TRMT61B: variants seen among roughly 807,000 people sequenced by gnomAD.
TRMT61B encodes the protein tRNA methyltransferase 61B, also known as tRNA (adenine(58)-N(1))-methyltransferase, mitochondrial.
TRMT61B carries 56 observed loss-of-function variants against 52.0 expected under a neutral mutation model. That is an observed-to-expected ratio of 1.08 (90% confidence interval 0.87 to 1.35). The LOEUF (loss-of-function observed/expected upper bound fraction) is 1.35, where lower values mean the gene tolerates loss of function less well. Ranked by LOEUF, TRMT61B falls within the 40% of genes most tolerant of loss-of-function variation. The pLI is 0.00. For synonymous variants in TRMT61B, 206 were observed against 220.0 expected (o/e 0.94, Z 0.56); for missense variants, 650 against 577.9 (o/e 1.12, Z -1.28).
chr2:28,863,803 T>G (rs1194970148), intron 2 of TRMT61B, among the ~76,000 whole-genome samples: 1 of 152,160 alleles, frequency 6.6e-6, no homozygotes, highest in African/African-American at 2.4e-5. Flanking sequence ...ACAAAAGGTG[T>G]GAGTTTAATT....
chr2:28,851,201 C>G lies in TRMT61B; in HGVS notation c.1183G>C (p.Val395Leu). The change falls in exon 5 of 7, where the codon GTT becomes CTT. Residue 395 changes from valine to leucine, a missense_variant. Physicochemically the swap from Val to Leu is conservative, Grantham distance 32. Coordinates refer to ENST00000306108, the MANE Select transcript of TRMT61B (RefSeq NM_017910.4). ...CCATTTTTCTGTTTTGCAAGGCAAACCAACCAATCTCTGACAATGACCTCG... is the reference window on the plus strand; with the variant it reads ...CCATTTTTCTGTTTTGCAAGGCAAAGCAACCAATCTCTGACAATGACCTCG... Reference protein sequence around the residue: ...ISEVIVRDWLVCLAKQKNGIL... With the variant: ...ISEVIVRDWLLCLAKQKNGIL... The G allele has an allele frequency of 6.2e-7, 1 of 1,613,550 alleles. No individual in the cohort carries two copies.
At chr2:28,857,000 C>T (rs1669373347) in intron 3 of TRMT61B, among the ~76,000 whole-genome samples, 1 of 152,106 alleles carries the variant, frequency 6.6e-6, no homozygotes. Flanking sequence ...GTGGCACAAT[C>T]TCAGCTCACT....
At chr2:28,853,638 G>C (rs1669217747) in intron 3 of TRMT61B, among the ~76,000 whole-genome samples, 1 of 152,072 alleles carries the variant, frequency 6.6e-6, no homozygotes, top group Non-Finnish European at 1.5e-5. Flanking sequence ...GAGTTTGAGA[G>C]TAGCCTGGCC....
intron 2 of TRMT61B, among the ~76,000 whole-genome samples, chr2:28,862,808 T>G (rs969527094): frequency 1.5e-5 from 2 of 136,784 alleles, no homozygotes; most frequent in Non-Finnish European, 3.2e-5. Context: ...CTGGCCAACA[T>G]GGTGAAACCC....
In TRMT61B at chr2:28,870,145, T is replaced by G; in HGVS notation, c.133A>C (p.Arg45=). The G allele has an allele frequency of 6.2e-7, 1 of 1,614,040 alleles. No individual in the cohort carries two copies. The highest frequency in any genetic ancestry group is 8.5e-7 in the Non-Finnish European group (1 of 1,180,024). The change falls in exon 1 of 7, where the codon AGA becomes CGA. Residue 45 remains arginine (R), a synonymous_variant. Transcript: ENST00000306108. Reference sequence around the variant, plus strand: ...TCTCTTTCTCCATCTCGCAGGTCTCTAGGCGAGGACCTGCAACACAGTGAC... The same window carrying G: ...TCTCTTTCTCCATCTCGCAGGTCTCGAGGCGAGGACCTGCAACACAGTGAC... ...ARSLCCRSSP[R]DLRDGEREHE...
chr2:28,865,263 T>G (rs1297959852), intron 1 of TRMT61B, 144 bp from the exon 2 acceptor site: 4 of 555,392 alleles, frequency 7.2e-6, no homozygotes, highest in South Asian at 5.3e-5. Flanking sequence ...TATATTTCAC[T>G]TGATGAAATA....
intron 4 of TRMT61B, 88 bp from the exon 5 acceptor site, chr2:28,851,386 A>G (rs926811461): frequency 5.6e-6 from 5 of 886,464 alleles, no homozygotes; most frequent in Middle Eastern, 3.2e-4. Flanking sequence ...CCACATTTAA[A>G]TACCATAGTT....
intron 2 of TRMT61B, among the ~76,000 whole-genome samples, chr2:28,863,594 C>T (rs1043945682): frequency 6.6e-6 from 1 of 152,178 alleles, no homozygotes; most frequent in Admixed American, 6.5e-5. Flanking sequence ...AGGCACTTAT[C>T]TGTTCTCACC....
intron 3 of TRMT61B, among the ~76,000 whole-genome samples, chr2:28,854,365 G>C (rs928592864): frequency 6.6e-6 from 1 of 152,084 alleles, no homozygotes; most frequent in African/African-American, 2.4e-5. Context: ...CCAGCACTTT[G>C]GGAAGCCAAG....
chr2:28,849,937 A>G lies in TRMT61B; in HGVS notation c.*262T>C. ...ATGGAGTGGTTTACAGGAAGTGAAG[A>G]ATGAGATGGCCCAACTAAACCAATT... On this transcript the variant is annotated 3_prime_UTR_variant, in exon 7 of 7. Transcript: ENST00000306108. The G allele has an allele frequency of 6.3e-7, 1 of 1,586,136 alleles. No homozygotes were observed. Among genetic ancestry groups the G allele is most frequent in the Non-Finnish European group, 8.5e-7 (1 of 1,170,068 alleles).
intron 3 of TRMT61B, among the ~76,000 whole-genome samples, chr2:28,855,574 G>A (rs548047148): frequency 2.4e-4 from 36 of 152,312 alleles, no homozygotes; most frequent in Middle Eastern, 3.4e-3. Context: ...AAGAATGGAG[G>A]TGTCATTTAC....
chr2:28,869,385 A>T (rs1669985517), intron 1 of TRMT61B, among the ~76,000 whole-genome samples, 194 bp downstream of exon 1: 1 of 152,218 alleles, frequency 6.6e-6, no homozygotes, highest in African/African-American at 2.4e-5. Context: ...TTAAAATTAA[A>T]ATCTAGCCGT....
chr2:28,856,106 A>G (rs1669328772), intron 3 of TRMT61B, among the ~76,000 whole-genome samples: 1 of 152,246 alleles, frequency 6.6e-6, no homozygotes, highest in African/African-American at 2.4e-5. Flanking sequence ...ATAACCCAGA[A>G]AACTGCAAAT....
At position 28,851,052 on chromosome 2, in the gene TRMT61B, A is replaced by C. The variant is rs1278532159; in HGVS notation, c.1312+20T>G. The C allele has an allele frequency of 5.2e-6, 8 of 1,533,672 alleles. No homozygotes were observed. Among genetic ancestry groups the C allele is most frequent in the Non-Finnish European group, 7.1e-6 (8 of 1,127,432 alleles). On this transcript the variant is annotated intron_variant, in intron 5 of 6. Coordinates refer to ENST00000306108, the MANE Select transcript of TRMT61B (RefSeq NM_017910.4). ...ATTCTCCATTCATTACTGCATGCAT[A>C]AAGTAAAACTGAAGCTCACCATGGT...
chr2:28,855,051 T>C (rs372196390), intron 3 of TRMT61B, among the ~76,000 whole-genome samples: 6 of 152,172 alleles, frequency 3.9e-5, no homozygotes, highest in African/African-American at 9.6e-5. Context: ...CATGAAAATG[T>C]AGGGGAGAAG....
Position 28,870,282 on chromosome 2 carries a change from T to C in TRMT61B, c.-5A>G, listed in dbSNP as rs1670033699. 3 of 1,544,210 alleles carry C rather than the reference T, an allele frequency of 1.9e-6. No individual in the cohort carries two copies. Among genetic ancestry groups the C allele is most frequent in the Non-Finnish European group, 2.6e-6 (3 of 1,149,310 alleles). On this transcript the variant is annotated 5_prime_UTR_variant, in exon 1 of 7. Transcript: ENST00000306108. ...GCGGCACCATGCCATTAGCATAGTGTTTCGCGAAGGCGCCGTCGCAGACGA... is the reference window on the plus strand; with the variant it reads ...GCGGCACCATGCCATTAGCATAGTGCTTCGCGAAGGCGCCGTCGCAGACGA...
chr2:28,861,094 C>T (rs1293275319), intron 3 of TRMT61B, 24 bp downstream of exon 3: 38 of 1,566,168 alleles, frequency 2.4e-5, no homozygotes, highest in Non-Finnish European at 3.1e-5. Flanking sequence ...AGTAATAACA[C>T]AGGACCCACG....
chr2:28,852,778 C>T lies in TRMT61B; in HGVS notation c.994-279G>A, dbSNP rs147881956. ...TTTGAGAACAGCCCAGGCAACATAG[C>T]GAGACTCTGACTCTATTGAAAAAAA... On this transcript the variant is annotated intron_variant, in intron 3 of 6. Coordinates refer to ENST00000306108, the MANE Select transcript of TRMT61B (RefSeq NM_017910.4). 3.5e-3 allele frequency among the ~76,000 whole-genome samples: 527 copies of T among 151,096 alleles called. 5 individuals are homozygous for T. The highest frequency in any genetic ancestry group is 0.011 in the African/African-American group (437 of 41,080).
At position 28,850,256 on chromosome 2, in the gene TRMT61B, A is replaced by T. The variant is rs1669014268; in HGVS notation, c.1391-14T>A. On this transcript the variant is annotated splice_polypyrimidine_tract_variant and intron_variant, in intron 6 of 6. Coordinates refer to ENST00000306108, the MANE Select transcript of TRMT61B (RefSeq NM_017910.4). ...TGACAAGAAAAGCTAATTTAAGAGA[A>T]GAAAAACATAAAGTCATTATATTAA... 6.2e-7 allele frequency: 1 copy of T among 1,609,990 alleles called. No individual in the cohort carries two copies. Among genetic ancestry groups the T allele is most frequent in the African/African-American group, 1.3e-5 (1 of 74,802 alleles).
Sources: gnomAD v4.1 joint callset for allele counts (sites outside exome capture counted in the v4.1 genomes callset) on GRCh38, gnomAD v4.1.1 for gene constraint, MANE v1.5 for transcripts, NCBI Gene and HGNC (gene_info 2026-07-23, HGNC 2026-07-21) for gene names.